The following ABCG8 variants were observed in gnomAD, a reference collection of about 807,000 sequenced individuals.
ABCG8 encodes ATP binding cassette subfamily G member 8, also known as ATP-binding cassette sub-family G member 8.
Under a neutral mutation model 71.3 loss-of-function variants are expected in ABCG8, and 81 were observed. That is an observed-to-expected ratio of 1.14 (90% CI 0.95 to 1.37). ABCG8 has a LOEUF of 1.37. Ranked by LOEUF, ABCG8 falls within the 40% of genes most tolerant of loss-of-function variation. The pLI is 0.00. For missense variants in ABCG8, 1,119 were observed against 866.2 expected, an observed-to-expected ratio of 1.29 and a Z score of -3.66; for synonymous variants, 451 against 354.7, an observed-to-expected ratio of 1.27 and a Z score of -3.05.
chr2:43,882,720 C>G lies in ABCG8; in HGVS notation c.*4807C>G, dbSNP rs1670166662. Reference sequence around the variant, plus strand: ...CAGCTTCAGCAGGTAGGCAGGCAGGCAGATGGAGCACAGCCCATTCTCTGC... The same window carrying G: ...CAGCTTCAGCAGGTAGGCAGGCAGGGAGATGGAGCACAGCCCATTCTCTGC... On this transcript the variant is annotated 3_prime_UTR_variant, in exon 13 of 13. Coordinates refer to ENST00000272286, the MANE Select transcript of ABCG8 (RefSeq NM_022437.3). 1 of 152,340 alleles carries G rather than the reference C, an allele frequency of 6.6e-6. No homozygotes were observed. Among genetic ancestry groups the G allele is most frequent in the Admixed American group, 6.5e-5 (1 of 15,304 alleles). The allele number at this position is 152,340 out of a possible 1,614,324, so 9.4% of individuals were successfully genotyped here.
intron 1 of ABCG8, 81 bp downstream of exon 1, chr2:43,839,197 T>C: frequency 6.9e-7 from 1 of 1,450,984 alleles, no homozygotes; most frequent in Non-Finnish European, 9.4e-7. Context: ...CTCAGGAGCC[T>C]TCTGTCCTAG....
chr2:43,851,873 C>A (rs772022769), intron 4 of ABCG8, 51 bp downstream of exon 4: 2 of 1,577,798 alleles, frequency 1.3e-6, no homozygotes, highest in South Asian at 1.1e-5. Context: ...GCTACAGTGT[C>A]CATGCCCCGC....
At chr2:43,874,782 C>A (rs538801388) in intron 10 of ABCG8, among the ~76,000 whole-genome samples, 1 of 152,178 alleles carries the variant, frequency 6.6e-6, no homozygotes, top group African/African-American at 2.4e-5. Flanking sequence ...TGTGGCCCCC[C>A]AGCAGGCCAG....
intron 6 of ABCG8, among the ~76,000 whole-genome samples, chr2:43,859,058 C>A (rs1318664362): frequency 6.7e-6 from 1 of 149,484 alleles, no homozygotes; most frequent in Non-Finnish European, 1.5e-5. Context: ...CTGGATAGAA[C>A]TCTCACTATC....
rs755217296 is a variant in ABCG8, at chr2:43,880,708, A to G, written c.*2795A>G. On this transcript the variant is annotated 3_prime_UTR_variant, in exon 13 of 13. Coordinates refer to ENST00000272286, the MANE Select transcript of ABCG8 (RefSeq NM_022437.3). Reference sequence around the variant, plus strand: ...TGCATACATATACACCTAAGTACACATGAGTTTACTCTGATAACATCCATT... The same window carrying G: ...TGCATACATATACACCTAAGTACACGTGAGTTTACTCTGATAACATCCATT... The G allele has an allele frequency of 6.6e-6, 1 of 152,382 alleles. No homozygotes were observed. Among genetic ancestry groups the G allele is most frequent in the Admixed American group, 6.5e-5 (1 of 15,308 alleles). 9.4% of individuals were successfully genotyped at this position (152,382 alleles called of 1,614,324 possible).
intron 4 of ABCG8, 109 bp from the exon 5 acceptor site, chr2:43,852,245 C>A: frequency 6.7e-7 from 1 of 1,498,064 alleles, no homozygotes; most frequent in Non-Finnish European, 9.2e-7. Context: ...TGTCTCCCTT[C>A]ACTTTCAAAC....
chr2:43,843,600 G>A (rs1341021592), intron 1 of ABCG8, among the ~76,000 whole-genome samples: 2 of 152,094 alleles, frequency 1.3e-5, no homozygotes, highest in Non-Finnish European at 2.9e-5. Flanking sequence ...GATGCAGTGA[G>A]CTGTGATCAT....
intron 6 of ABCG8, 74 bp from the exon 7 acceptor site, chr2:43,871,902 G>C (rs115578276): frequency 6.3e-7 from 1 of 1,599,830 alleles, no homozygotes; most frequent in Non-Finnish European, 8.5e-7. Context: ...TGAGCTGGGC[G>C]TGCACCAAGC....
intron 2 of ABCG8, among the ~76,000 whole-genome samples, chr2:43,845,023 A>G (rs1431281905): frequency 6.6e-6 from 1 of 151,608 alleles, no homozygotes; most frequent in Non-Finnish European, 1.5e-5. Context: ...TAAGAAATGA[A>G]CAATGTACAA....
At chr2:43,854,496 G>A (rs1222628800) in intron 6 of ABCG8, among the ~76,000 whole-genome samples, 4 of 151,940 alleles carry the variant, frequency 2.6e-5, no homozygotes. Flanking sequence ...GGTGCGTGAC[G>A]CTTGCCTATA....
chr2:43,847,997 T>A (rs1013603298), intron 3 of ABCG8: 1 of 152,078 alleles, frequency 6.6e-6, no homozygotes, highest in Non-Finnish European at 1.5e-5. Context: ...ACTCCTGGCC[T>A]CAGGTGATCT....
At chr2:43,874,537 G>T in intron 10 of ABCG8, 54 bp downstream of exon 10, 1 of 1,458,308 alleles carries the variant, frequency 6.9e-7, no homozygotes, top group Non-Finnish European at 9.6e-7. Flanking sequence ...GTGGGGGTAA[G>T]TGTGGAGAAA....
intron 6 of ABCG8, among the ~76,000 whole-genome samples, chr2:43,861,322 C>T (rs1205951315): frequency 6.6e-6 from 1 of 151,338 alleles, no homozygotes; most frequent in African/African-American, 2.4e-5. Flanking sequence ...AGAATTCTCA[C>T]TATCTATCTG....
intron 9 of ABCG8, among the ~76,000 whole-genome samples, 189 bp from the exon 10 acceptor site, chr2:43,874,218 T>G (rs1669880159): frequency 6.6e-6 from 1 of 152,146 alleles, no homozygotes; most frequent in Non-Finnish European, 1.5e-5. Flanking sequence ...AGCTACAGAC[T>G]TGCAAAACCT....
chr2:43,862,808 A>C (rs1669374225), intron 6 of ABCG8, among the ~76,000 whole-genome samples: 3 of 147,804 alleles, frequency 2.0e-5, no homozygotes, highest in South Asian at 4.3e-4. Flanking sequence ...GAATTCTGAT[A>C]ATCTGGTTAG....
At chr2:43,844,406 CG>C in intron 1 of ABCG8, 100 bp from the exon 2 acceptor site, 1 of 892,074 alleles carries the variant, frequency 1.1e-6, no homozygotes, top group Non-Finnish European at 1.8e-6. Flanking sequence ...TTAACCACGT[CG>C]GCTCTAAGAA....
chr2:43,855,170 C>G (rs72796758), intron 6 of ABCG8, among the ~76,000 whole-genome samples: 8,212 of 152,238 alleles, frequency 0.054, 272 homozygotes, highest in Middle Eastern at 0.11. Context: ...CTCTCAATAT[C>G]TATCTGGATA....
chr2:43,875,437 G>T (rs765724692), intron 11 of ABCG8, 24 bp downstream of exon 11: 1 of 1,608,012 alleles, frequency 6.2e-7, no homozygotes, highest in Non-Finnish European at 8.5e-7. Flanking sequence ...CCGGGGCCTG[G>T]GCCAGCTTTG....
At chr2:43,873,442 T>C (rs1216483790) in intron 8 of ABCG8, among the ~76,000 whole-genome samples, 3 of 152,172 alleles carry the variant, frequency 2.0e-5, no homozygotes, top group African/African-American at 7.2e-5. Context: ...TCCACCTGCC[T>C]CAGCCTCCCA....
Sources: gnomAD v4.1 joint callset for allele counts (sites outside exome capture counted in the v4.1 genomes callset) on GRCh38, gnomAD v4.1.1 for gene constraint, MANE v1.5 for transcripts, NCBI Gene and HGNC (gene_info 2026-07-23, HGNC 2026-07-21) for gene names.